TNC: variants seen among roughly 807,000 people sequenced by gnomAD.
TNC encodes tenascin.
A neutral mutation model predicts 202.4 loss-of-function variants in TNC; 109 were observed. The observed-to-expected ratio is 0.54, with a 90% CI of 0.46 to 0.63. The LOEUF is 0.63. Ranked by LOEUF, TNC falls within the 30% of genes least tolerant of loss-of-function variation. The probability of loss-of-function intolerance (pLI) is 0.00; values close to 1 mark genes in which losing one functional copy is unlikely to be tolerated. For missense variants in TNC, 2,756 were observed against 2,833.3 expected, an observed-to-expected ratio of 0.97 and a Z score of 0.62; for synonymous variants, 1,007 against 1,089.7, an observed-to-expected ratio of 0.92 and a Z score of 1.50.
rs1384561013 is a variant in TNC at position 115,086,449 on chromosome 9, C to A, written c.1282G>T (p.Gly428Cys). ...TGGCTGCAGTCCTCCCCAGTATAGC[C>A]CTCATCACACACACACTGCCCATTG... Reference protein sequence around the residue: ...CVNGQCVCDEGYTGEDCSQLR... With the variant: ...CVNGQCVCDECYTGEDCSQLR... Residue 428 changes from glycine to cysteine, a missense_variant, in exon 3 of 28, where the codon GGC (glycine) becomes TGC (cysteine). Around this residue, in one of 2 missense-constraint regions of TNC, gnomAD observed 2,559 missense variants for 2,546.0 expected, o/e 1.01. Coordinates refer to ENST00000350763, the MANE Select transcript of TNC (RefSeq NM_002160.4). 2 of 1,613,888 alleles carry A rather than the reference C, an allele frequency of 1.2e-6. No individual in the cohort carries two copies. The highest frequency in any genetic ancestry group is 1.7e-6 in the Non-Finnish European group (2 of 1,180,038).
intron 1 of TNC, among the ~76,000 whole-genome samples, chr9:115,104,766 T>A (rs997080189): frequency 6.6e-6 from 1 of 152,070 alleles, no homozygotes; most frequent in Admixed American, 6.6e-5. Flanking sequence ...AGAGTAATAG[T>A]GTAGAGGTGG....
At chr9:115,027,381 G>A (rs1829587560) in intron 25 of TNC, among the ~76,000 whole-genome samples, 2 of 151,984 alleles carry the variant, frequency 1.3e-5, no homozygotes. Flanking sequence ...TCTGAGGTCA[G>A]GAGTTCGAGA....
intron 26 of TNC, 35 bp downstream of exon 26, chr9:115,026,499 G>A (rs776778245): frequency 2.5e-6 from 4 of 1,600,898 alleles, no homozygotes; most frequent in Non-Finnish European, 3.4e-6. Flanking sequence ...AGGTCTCCAT[G>A]GCTTTGTAGG....
intron 24 of TNC, 65 bp from the exon 25 acceptor site, chr9:115,029,521 G>C: frequency 6.7e-7 from 1 of 1,482,074 alleles, no homozygotes; most frequent in East Asian, 2.3e-5. Context: ...ATCGTTGTGA[G>C]AGGAAGGAGT....
Position 115,091,093 on chromosome 9 carries a change from AT to A in TNC, c.-76del. On this transcript the variant is annotated 5_prime_UTR_variant, in exon 2 of 28. Transcript: ENST00000350763. The stretch of plus-strand genomic sequence containing the variant: ...TATCTCACTTTCAGCAGAATTGGGG[AT>A]TTAGAAGCACAGAGTAGACTTCAAA... 1 of 1,184,230 alleles carries A rather than the reference AT, an allele frequency of 8.4e-7. No homozygotes were observed. Among genetic ancestry groups the A allele is most frequent in the Non-Finnish European group, 1.2e-6 (1 of 828,120 alleles). The allele number at this position is 1,184,230 out of a possible 1,614,324, so 73.4% of individuals were successfully genotyped here.
At chr9:115,098,259 G>T (rs978896959) in intron 1 of TNC, among the ~76,000 whole-genome samples, 1 of 152,180 alleles carries the variant, frequency 6.6e-6, no homozygotes, top group East Asian at 1.9e-4. Context: ...TTATTTACCA[G>T]GTTGGGAAAC....
At chr9:115,080,770 G>C (rs978590368) in intron 6 of TNC, among the ~76,000 whole-genome samples, 2 of 152,034 alleles carry the variant, frequency 1.3e-5, no homozygotes, top group African/African-American at 4.8e-5. Context: ...AAATTAGCCA[G>C]ATGTGGTGGT....
intron 15 of TNC, among the ~76,000 whole-genome samples, chr9:115,051,403 C>T (rs991194240): frequency 1.3e-5 from 2 of 152,078 alleles, no homozygotes; most frequent in African/African-American, 2.4e-5. Context: ...CCAGGTCTTC[C>T]GACTCCAAGT....
chr9:115,027,985 C>T (rs902431218), intron 25 of TNC, among the ~76,000 whole-genome samples: 11 of 152,094 alleles, frequency 7.2e-5, no homozygotes, highest in African/African-American at 1.2e-4. Flanking sequence ...ATTAGGCTTC[C>T]GTATATCTCA....
intron 1 of TNC, among the ~76,000 whole-genome samples, chr9:115,112,031 A>T (rs1837112067): frequency 6.6e-6 from 1 of 152,202 alleles, no homozygotes; most frequent in Non-Finnish European, 1.5e-5. Flanking sequence ...GTTGATTTAA[A>T]GTAATTTGGT....
Position 115,087,241 on chromosome 9 carries a change from G to A in TNC, c.490C>T (p.Arg164Trp), listed in dbSNP as rs778273542. Residue 164 changes from arginine (R) to tryptophan (W), a missense_variant, in exon 3 of 28, where the codon CGG becomes TGG. By Grantham distance (101) the Arg-to-Trp change is moderately radical. This residue lies in a region of TNC where 2,559 missense variants were observed against 2,546.0 expected (regional missense o/e 1.01). Transcript: ENST00000350763. ...RLDTRPFCSG[R>W]GNFSTEGCGC... Reference sequence around the variant, plus strand: ...CATCCTTCAGTGCTGAAGTTGCCCCGACCGCTACAGAAGGGCCTGGTGTCC... The same window carrying A: ...CATCCTTCAGTGCTGAAGTTGCCCCAACCGCTACAGAAGGGCCTGGTGTCC... The A allele has an allele frequency of 4.3e-6, 7 of 1,614,104 alleles. No homozygotes were observed. Among genetic ancestry groups the A allele is most frequent in the African/African-American group, 1.3e-5 (1 of 75,052 alleles).
intron 10 of TNC, among the ~76,000 whole-genome samples, chr9:115,069,277 T>G (rs1305973336): frequency 6.6e-6 from 1 of 152,184 alleles, no homozygotes; most frequent in Non-Finnish European, 1.5e-5. Context: ...AAAATATGCT[T>G]TGCTGGCTTT....
chr9:115,060,025 T>C (rs1220815287), intron 13 of TNC, 23 bp from the exon 14 acceptor site: 2 of 1,588,394 alleles, frequency 1.3e-6, no homozygotes, highest in African/African-American at 1.3e-5. Flanking sequence ...AGAAAAGTAT[T>C]TGTCAGTTCT....
chr9:115,076,635 T>C (rs1833885291), intron 7 of TNC, 60 bp from the exon 8 acceptor site: 2 of 1,566,430 alleles, frequency 1.3e-6, no homozygotes, highest in East Asian at 4.5e-5. Context: ...CAGGAGTCTT[T>C]GACAGCTCAA....
rs1176558848 is a variant in TNC, at chr9:115,046,724, A to G, written c.4853-42T>C. On this transcript the variant is annotated intron_variant, in intron 16 of 27. Coordinates refer to ENST00000350763, the MANE Select transcript of TNC (RefSeq NM_002160.4). ...TGGTGGGAGAAGGAGGAAAGACAAC[A>G]TCATTTACCAGTCCGTGCAATCTTC... The G allele has an allele frequency of 1.9e-6, 3 of 1,605,240 alleles. No homozygotes were observed. In the African/African-American group the frequency reaches 4.0e-5, roughly 22 times the overall value.
chr9:115,073,980 A>C, intron 9 of TNC, 114 bp from the exon 10 acceptor site: 1 of 1,060,690 alleles, frequency 9.4e-7, no homozygotes. Flanking sequence ...AGAGGAGCTG[A>C]GGGACCACAG....
intron 15 of TNC, among the ~76,000 whole-genome samples, chr9:115,056,584 G>C (rs1038060576): frequency 3.9e-5 from 6 of 152,308 alleles, no homozygotes; most frequent in African/African-American, 1.2e-4. Context: ...ATCTTCTAGA[G>C]GTGGTGTTGG....
chr9:115,069,619 TCTC>T (rs1833230525), intron 10 of TNC, among the ~76,000 whole-genome samples: 1 of 6,416 alleles, frequency 1.6e-4, no homozygotes. Flanking sequence ...TCCCTCCCTC[TCTC>T]CCTCCCTCCC....
At chr9:115,059,405 A>T (rs1306449302) in intron 14 of TNC, among the ~76,000 whole-genome samples, 1 of 152,198 alleles carries the variant, frequency 6.6e-6, no homozygotes, top group East Asian at 1.9e-4. Flanking sequence ...ATCTCCAAGC[A>T]CTGGAGAAGT....
Sources: allele counts gnomAD v4.1 joint callset (sites outside exome capture counted in the v4.1 genomes callset), GRCh38; gene constraint gnomAD v4.1.1; regional missense constraint gnomAD v4.1.1; transcripts MANE v1.5; gene names NCBI Gene and HGNC (gene_info 2026-07-23, HGNC 2026-07-21).